TNFRSF11B: variants seen among roughly 807,000 people sequenced by gnomAD.
The protein encoded by TNFRSF11B is tumor necrosis factor receptor superfamily member 11B.
TNFRSF11B carries 16 observed loss-of-function variants against 43.4 expected under a neutral mutation model. The ratio of observed to expected loss-of-function variants is 0.37; its 90% CI spans 0.25 to 0.56. The LOEUF (loss-of-function observed/expected upper bound fraction) is 0.56. TNFRSF11B is among the 20% of genes least tolerant of loss of function. The pLI, the probability that TNFRSF11B is intolerant of heterozygous loss-of-function variation, is 0.80. For missense variants in TNFRSF11B, 444 were observed against 490.1 expected, an observed-to-expected ratio of 0.91 and a Z score of 0.89; for synonymous variants, 185 against 181.8, an observed-to-expected ratio of 1.02 and a Z score of -0.14.
chr8:118,944,229 T>C (rs531570490), intron 1 of TNFRSF11B, among the ~76,000 whole-genome samples: 1 of 152,248 alleles, frequency 6.6e-6, no homozygotes, highest in South Asian at 2.1e-4. Context: ...AAGTCCCTAG[T>C]TGGTCTGCTG....
At chr8:118,933,394 T>A (rs1812356294) in intron 1 of TNFRSF11B, 94 bp from the exon 2 acceptor site, 1 of 1,566,122 alleles carries the variant, frequency 6.4e-7, no homozygotes, top group Admixed American at 1.7e-5. Context: ...AGTCCTGTAT[T>A]ACCTTAAGCC....
At chr8:118,944,648 A>G (rs1291150185) in intron 1 of TNFRSF11B, among the ~76,000 whole-genome samples, 1 of 152,156 alleles carries the variant, frequency 6.6e-6, no homozygotes, top group African/African-American at 2.4e-5. Context: ...TATTAAAAGA[A>G]GAGACAGGAA....
At chr8:118,950,203 CAAAAT>C (rs1812620600) in intron 1 of TNFRSF11B, among the ~76,000 whole-genome samples, 1 of 151,932 alleles carries the variant, frequency 6.6e-6, no homozygotes, top group Non-Finnish European at 1.5e-5. Flanking sequence ...AAATCTTTGA[CAAAAT>C]AAAAAGGGCT....
In TNFRSF11B at chr8:118,948,407, G is replaced by A. The variant is rs185044236; in HGVS notation, c.30+3385C>T. ...GCTTTCACACAAATGGAACATGCCA[G>A]CAGTGGGGGGCTGACGGTTGCCAAG... On this transcript the variant is annotated intron_variant, in intron 1 of 4. Coordinates refer to ENST00000297350, the MANE Select transcript of TNFRSF11B (RefSeq NM_002546.4). Among the ~76,000 whole-genome samples the A allele has an allele frequency of 3.2e-3, 484 of 152,212 alleles. 3 individuals are homozygous for A. The highest frequency in any genetic ancestry group is 6.8e-3 in the Middle Eastern group (2 of 294).
Position 118,926,486 on chromosome 8 carries a change from T to G in TNFRSF11B, c.817+8A>C, listed in dbSNP as rs7844539. 0.12 allele frequency: 191,925 copies of G among 1,602,938 alleles called. 12,574 individuals carry two copies. The highest frequency in any genetic ancestry group is 0.14 in the South Asian group (12,444 of 90,832). ...TCTGATTGATCTTTTTATTTTAGAT[T>G]ATCATACCTTGGATGATCTTCTTGA... On this transcript the variant is annotated splice_region_variant and intron_variant, in intron 4 of 4. Transcript: ENST00000297350.
intron 1 of TNFRSF11B, among the ~76,000 whole-genome samples, chr8:118,950,179 G>A (rs1282523482): frequency 6.8e-6 from 1 of 147,784 alleles, no homozygotes; most frequent in Admixed American, 6.6e-5. Context: ...TTGCTAGTAT[G>A]TTTGTTATTA....
intron 1 of TNFRSF11B, among the ~76,000 whole-genome samples, chr8:118,939,617 T>C (rs1812451623): frequency 6.6e-6 from 1 of 152,150 alleles, no homozygotes; most frequent in Non-Finnish European, 1.5e-5. Context: ...TTGCCATTAA[T>C]TACTGACAGC....
In TNFRSF11B at chr8:118,933,079, G is replaced by A. The variant is rs199830002; in HGVS notation, c.252C>T (p.Ser84=). The A allele has an allele frequency of 1.7e-5, 27 of 1,614,172 alleles. No individual in the cohort carries two copies. In the East Asian group the frequency reaches 5.6e-4, roughly 33 times the overall value. ...WHTSDECLYC[S]PVCKELQYVK... ...CGTACTGCAGCTCCTTGCACACGGGGCTGCAGTATAGACACTCGTCACTGG... is the reference window on the plus strand; with the variant it reads ...CGTACTGCAGCTCCTTGCACACGGGACTGCAGTATAGACACTCGTCACTGG... Residue 84 remains serine, a synonymous_variant, in exon 2 of 5, where the codon AGC becomes AGT. Transcript: ENST00000297350.
intron 1 of TNFRSF11B, among the ~76,000 whole-genome samples, chr8:118,945,943 ATTCAT>A: frequency 6.6e-6 from 1 of 152,256 alleles, no homozygotes; most frequent in South Asian, 2.1e-4. Context: ...TCTTAAAGCT[ATTCAT>A]TTTATTTTTA....
chr8:118,927,216 GA>G (rs1812256511), intron 3 of TNFRSF11B, among the ~76,000 whole-genome samples: 1 of 152,122 alleles, frequency 6.6e-6, no homozygotes. Flanking sequence ...TATATAAGTA[GA>G]CATTACATAG....
At chr8:118,929,138 C>T (rs1374188190) in intron 2 of TNFRSF11B, 1 of 583,706 alleles carries the variant, frequency 1.7e-6, no homozygotes, top group African/African-American at 1.9e-5. Context: ...CCTTGTAATG[C>T]AAATGCAAGT....
intron 1 of TNFRSF11B, among the ~76,000 whole-genome samples, chr8:118,937,529 A>G (rs2875845): frequency 0.14 from 21,689 of 152,276 alleles, 1,658 homozygotes; most frequent in Middle Eastern, 0.28. Flanking sequence ...TCAGTTCTGA[A>G]TCTGTTTATG....
intron 4 of TNFRSF11B, among the ~76,000 whole-genome samples, chr8:118,925,860 CTGTT>C (rs1163457652): frequency 6.6e-6 from 1 of 152,218 alleles, no homozygotes; most frequent in Non-Finnish European, 1.5e-5. Flanking sequence ...CTATCTCTCT[CTGTT>C]TCTCTCTCAC....
intron 4 of TNFRSF11B, 143 bp downstream of exon 4, chr8:118,926,351 G>T (rs1812243404): frequency 1.3e-6 from 1 of 763,998 alleles, no homozygotes; most frequent in South Asian, 1.7e-5. Flanking sequence ...ATTATCAGTT[G>T]GTGGAAACTT....
intron 2 of TNFRSF11B, among the ~76,000 whole-genome samples, chr8:118,931,857 C>G (rs887945667): frequency 1.3e-5 from 2 of 152,098 alleles, no homozygotes; most frequent in African/African-American, 4.8e-5. Flanking sequence ...ATTGATGACC[C>G]TGTTCTCAAC....
At chr8:118,950,913 T>C (rs1470507207) in intron 1 of TNFRSF11B, among the ~76,000 whole-genome samples, 1 of 152,232 alleles carries the variant, frequency 6.6e-6, no homozygotes, top group Non-Finnish European at 1.5e-5. Context: ...GTGGCTTAAA[T>C]ATGGCTTTTC....
intron 1 of TNFRSF11B, among the ~76,000 whole-genome samples, chr8:118,934,492 G>A (rs1222074485): frequency 6.6e-6 from 1 of 152,160 alleles, no homozygotes; most frequent in African/African-American, 2.4e-5. Context: ...ATACATAATG[G>A]CAGGAAGAGG....
rs1812247812 is a variant in TNFRSF11B, at chr8:118,926,532, T to G, written c.779A>C (p.Gln260Pro). Reference sequence around the variant, plus strand: ...CTTGACTATATCTTGGTCTTTGTTTTGATGTTTCCATAACTTCAGCAGCTG... The same window carrying G: ...CTTGACTATATCTTGGTCTTTGTTTGGATGTTTCCATAACTTCAGCAGCTG... ...TFQLLKLWKHQNKDQDIVKKI... is the reference protein window; with the variant it reads ...TFQLLKLWKHPNKDQDIVKKI... Residue 260 changes from glutamine to proline, a missense_variant, in exon 4 of 5, where the codon CAA becomes CCA. Transcript: ENST00000297350. The G allele has an allele frequency of 1.9e-6, 3 of 1,614,000 alleles. No individual in the cohort carries two copies. The African/African-American group carries it at 4.0e-5, about 22-fold the overall frequency.
At chr8:118,941,508 A>T (rs963249210) in intron 1 of TNFRSF11B, among the ~76,000 whole-genome samples, 3 of 152,194 alleles carry the variant, frequency 2.0e-5, no homozygotes, top group African/African-American at 7.2e-5. Flanking sequence ...AGGCTGAAGA[A>T]TTGTCTTCAG....
Sources: allele counts gnomAD v4.1 joint callset (sites outside exome capture counted in the v4.1 genomes callset), GRCh38; gene constraint gnomAD v4.1.1; transcripts MANE v1.5; gene names NCBI Gene and HGNC (gene_info 2026-07-23, HGNC 2026-07-21).